TPR: variants seen among roughly 807,000 people sequenced by gnomAD.
TPR encodes the protein nucleoprotein TPR.
A neutral mutation model predicts 316.1 loss-of-function variants in TPR; 51 were observed. That is an observed-to-expected ratio of 0.16 (90% CI 0.13 to 0.20). The LOEUF (loss-of-function observed/expected upper bound fraction) is 0.20. TPR is among the 10% of genes least tolerant of loss of function. The pLI is 1.00. For missense variants in TPR, 2,272 were observed against 2,754.8 expected (o/e 0.82, Z 3.92); for synonymous variants, 981 against 914.7 (o/e 1.07, Z -1.31).
rs756291400 is a variant in TPR at position 186,323,904 on chromosome 1, T to G, written c.6113-34A>C. ...AAAGAGAAATTTACTTTTGAACTGCTAAATTTACCACAAAAAAACTTGGAC... is the reference window on the plus strand; with the variant it reads ...AAAGAGAAATTTACTTTTGAACTGCGAAATTTACCACAAAAAAACTTGGAC... On this transcript the variant is annotated intron_variant, in intron 42 of 50. Coordinates refer to ENST00000367478, the MANE Select transcript of TPR (RefSeq NM_003292.3). 5 of 1,514,872 alleles carry G rather than the reference T, an allele frequency of 3.3e-6. No individual in the cohort carries two copies. The South Asian group carries it at 5.5e-5, about 17-fold the overall frequency. The allele number at this position is 1,514,872 out of a possible 1,614,324, so 93.8% of individuals were successfully genotyped here. A position where few individuals can be genotyped will look rare whatever the true frequency, so the allele number is the denominator to read the frequency against.
rs371818563 is a variant in TPR at position 186,326,098 on chromosome 1, A to G, written c.6021+6T>C. Reference sequence around the variant, plus strand: ...ACTATGAATGGTTAAAATTCTAGCCAGTTACCTCAGCATCATCAGCTTCAT... The same window carrying G: ...ACTATGAATGGTTAAAATTCTAGCCGGTTACCTCAGCATCATCAGCTTCAT... On this transcript the variant is annotated splice_donor_region_variant and intron_variant, in intron 41 of 50. Coordinates refer to ENST00000367478, the MANE Select transcript of TPR (RefSeq NM_003292.3). The G allele has an allele frequency of 1.2e-6, 2 of 1,613,610 alleles. No homozygotes were observed. Among genetic ancestry groups the G allele is most frequent in the South Asian group, 1.1e-5 (1 of 91,070 alleles).
At chr1:186,326,045 A>T (rs1180697271) in intron 41 of TPR, 59 bp downstream of exon 41, 2 of 1,605,864 alleles carry the variant, frequency 1.2e-6, no homozygotes, top group African/African-American at 1.3e-5. Context: ...CTTGGAAAAC[A>T]GCAAGTGAAA....
rs1657453736 is a variant in TPR, at chr1:186,313,718, A to C, written c.*253T>G. On this transcript the variant is annotated 3_prime_UTR_variant, in exon 51 of 51. Coordinates refer to ENST00000367478, the MANE Select transcript of TPR (RefSeq NM_003292.3). ...ACATTGATGTGCCTAGTAGAACAGC[A>C]AGAGCAATTACTACTCGTTCTGGGC... 6.2e-7 allele frequency: 1 copy of C among 1,609,550 alleles called. No homozygotes were observed. Among genetic ancestry groups the C allele is most frequent in the Non-Finnish European group, 8.5e-7 (1 of 1,176,064 alleles).
At chr1:186,341,205 A>G in intron 28 of TPR, 46 bp from the exon 29 acceptor site, 2 of 1,612,788 alleles carry the variant, frequency 1.2e-6, no homozygotes, top group Non-Finnish European at 1.7e-6. Context: ...AAATTCATTT[A>G]TTATTAAAAA....
At chr1:186,324,074 G>C (rs1295370045) in intron 42 of TPR, among the ~76,000 whole-genome samples, 1 of 151,992 alleles carries the variant, frequency 6.6e-6, no homozygotes, top group African/African-American at 2.4e-5. Flanking sequence ...TGTGGCTTTG[G>C]GCAAGTCCCT....
At position 186,360,040 on chromosome 1, in the gene TPR, G is replaced by A. The variant is rs566532302; in HGVS notation, c.1192-44C>T. 2.6e-5 allele frequency: 40 copies of A among 1,560,102 alleles called. 1 individual carries two copies. The highest frequency in any genetic ancestry group is 3.1e-5 in the Non-Finnish European group (35 of 1,147,406). On this transcript the variant is annotated intron_variant, in intron 11 of 50. Transcript: ENST00000367478. Reference sequence around the variant, plus strand: ...TTGTTTCAAATCTAACCATAACAACGCAAATATTTAGTTGATCTAGTTTCA... The same window carrying A: ...TTGTTTCAAATCTAACCATAACAACACAAATATTTAGTTGATCTAGTTTCA...
Position 186,312,813 on chromosome 1 carries a change from C to T in TPR, c.*1158G>A, listed in dbSNP as rs1433471962. The T allele has an allele frequency of 6.2e-7, 1 of 1,612,032 alleles. No homozygotes were observed. Among genetic ancestry groups the T allele is most frequent in the East Asian group, 2.2e-5 (1 of 44,838 alleles). On this transcript the variant is annotated 3_prime_UTR_variant, in exon 51 of 51. Transcript: ENST00000367478. ...TAAAGTGAGTATACTGTGGAGAGGA[C>T]TTCCAAATGTGGTTACCTCAGCTAT...
intron 39 of TPR, among the ~76,000 whole-genome samples, chr1:186,329,788 G>T (rs905279695): frequency 6.6e-6 from 1 of 152,072 alleles, no homozygotes; most frequent in Non-Finnish European, 1.5e-5. Flanking sequence ...ATTTACTTGC[G>T]ATATGGCTAT....
At chr1:186,322,442 A>C in intron 44 of TPR, 30 bp from the exon 45 acceptor site, 2 of 1,611,764 alleles carry the variant, frequency 1.2e-6, no homozygotes, top group Non-Finnish European at 1.7e-6. Flanking sequence ...GTTAACAAAC[A>C]AAACACCACA....
At chr1:186,358,513 A>G (rs773979155) in intron 13 of TPR, 30 bp downstream of exon 13, 1 of 1,577,680 alleles carries the variant, frequency 6.3e-7, no homozygotes, top group Admixed American at 1.8e-5. Flanking sequence ...AGGTTTTTAA[A>G]AGTAGGAAAA....
At position 186,360,863 on chromosome 1, in the gene TPR, G is replaced by C. The variant is rs777546684; in HGVS notation, c.1001C>G (p.Ser334Cys). The change falls in exon 10 of 51, where the codon TCC (serine) becomes TGC (cysteine). Residue 334 changes from serine (S) to cysteine (C), a missense_variant. Around this residue, in one of 10 missense-constraint regions of TPR, gnomAD observed 549 missense variants for 598.6 expected, o/e 0.92. Transcript: ENST00000367478. ...IQDHLLEVEQ[S>C]KDQMEKEMLE... ...CATTTCTTTTTCCATTTGATCTTTG[G>C]ATTGCTCCACCTCTAGAAGATGATC... 9.3e-6 allele frequency: 15 copies of C among 1,612,488 alleles called. No individual in the cohort carries two copies. The highest frequency in any genetic ancestry group is 1.6e-4 in the Middle Eastern group (1 of 6,072).
rs373627839 is a variant in TPR, at chr1:186,351,365, C to T, written c.2575G>A (p.Val859Met). ...CTAGTAAGTGTATGCCTTTGTTCCA[C>T]CTCATTTTCCAACTTCTTCTTTAGA... ...SHLKKKLENE[V>M]EQRHTLTRNL... The change falls in exon 20 of 51, where the codon GTG (valine) becomes ATG (methionine). Residue 859 changes from valine to methionine, a missense_variant. Physicochemically the swap from Val to Met is conservative, Grantham distance 21. Coordinates refer to ENST00000367478, the MANE Select transcript of TPR (RefSeq NM_003292.3). 3.7e-6 allele frequency: 6 copies of T among 1,612,346 alleles called. No individual in the cohort carries two copies. Among genetic ancestry groups the T allele is most frequent in the Non-Finnish European group, 5.1e-6 (6 of 1,179,256 alleles).
At chr1:186,335,885 ACT>A (rs1301155644) in intron 33 of TPR, among the ~76,000 whole-genome samples, 1 of 152,128 alleles carries the variant, frequency 6.6e-6, no homozygotes, top group East Asian at 1.9e-4. Flanking sequence ...AATCTACAGC[ACT>A]GTTTAAAAAT....
chr1:186,332,379 T>C (rs752506353), intron 37 of TPR, 36 bp from the exon 38 acceptor site: 83 of 1,603,966 alleles, frequency 5.2e-5, no homozygotes, highest in Non-Finnish European at 6.9e-5. Flanking sequence ...TAGAGCATGA[T>C]AATAACTCAA....
chr1:186,335,362 A>C lies in TPR; in HGVS notation c.4887T>G (p.Asp1629Glu). ...EHQERHLEQR[D>E]EPQEPSNKVP... Reference sequence around the variant, plus strand: ...CCTTATTAGAAGGTTCTTGAGGCTCATCTCTCTGCTCAAGGTGTCTCTCTT... The same window carrying C: ...CCTTATTAGAAGGTTCTTGAGGCTCCTCTCTCTGCTCAAGGTGTCTCTCTT... Residue 1629 changes from aspartate to glutamate, a missense_variant, in exon 34 of 51, where the codon GAT becomes GAG. Asp to Glu is a conservative substitution (Grantham distance 45). Coordinates refer to ENST00000367478, the MANE Select transcript of TPR (RefSeq NM_003292.3). The C allele has an allele frequency of 6.2e-7, 1 of 1,613,656 alleles. No homozygotes were observed. Among genetic ancestry groups the C allele is most frequent in the Non-Finnish European group, 8.5e-7 (1 of 1,179,722 alleles).
chr1:186,365,566 C>T (rs1659319950), intron 4 of TPR, among the ~76,000 whole-genome samples: 1 of 152,086 alleles, frequency 6.6e-6, no homozygotes, highest in South Asian at 2.1e-4. Context: ...AGAGATGATA[C>T]TTTGTGAAAA....
Position 186,338,390 on chromosome 1 carries a change from C to A in TPR, c.4152-147G>T, listed in dbSNP as rs1057414143. 1.4e-5 allele frequency: 9 copies of A among 639,492 alleles called. No homozygotes were observed. The East Asian group carries it at 2.3e-4, about 16-fold the overall frequency. The allele number at this position is 639,492 out of a possible 1,614,324, so 39.6% of individuals were successfully genotyped here. A position where few individuals can be genotyped will look rare whatever the true frequency, so the allele number is the denominator to read the frequency against. On this transcript the variant is annotated intron_variant, in intron 30 of 50. Coordinates refer to ENST00000367478, the MANE Select transcript of TPR (RefSeq NM_003292.3). The stretch of plus-strand genomic sequence containing the variant: ...TACCCATATACTTCAAAGGTAAGAC[C>A]TTACGAATTTACAGCCCTTCGGCAA...
At position 186,327,598 on chromosome 1, in the gene TPR, T is replaced by C. The variant is rs1328565494; in HGVS notation, c.5751A>G (p.Gln1917=). The C allele has an allele frequency of 1.2e-6, 2 of 1,613,188 alleles. No homozygotes were observed. The highest frequency in any genetic ancestry group is 2.2e-5 in the South Asian group (2 of 91,066). Residue 1917 remains glutamine, a synonymous_variant, in exon 40 of 51, where the codon CAA becomes CAG. Transcript: ENST00000367478. Reference sequence around the variant, plus strand: ...CTGATTGAAGTGGCCCAAGATCTATTTGTAGAGACTGAGAGGTTTCTTCAC... The same window carrying C: ...CTGATTGAAGTGGCCCAAGATCTATCTGTAGAGACTGAGAGGTTTCTTCAC... ...EDSEETSQSL[Q]IDLGPLQSDQ...
At chr1:186,352,401 G>C (rs751991854) in intron 18 of TPR, among the ~76,000 whole-genome samples, 45 of 152,102 alleles carry the variant, frequency 3.0e-4, no homozygotes, top group South Asian at 2.1e-4. Flanking sequence ...TATGTGAGAA[G>C]AAGAAAGCAG....
Sources: gnomAD v4.1 joint callset for allele counts (sites outside exome capture counted in the v4.1 genomes callset) on GRCh38, gnomAD v4.1.1 for gene constraint, gnomAD v4.1.1 regional missense constraint, MANE v1.5 for transcripts, NCBI Gene and HGNC (gene_info 2026-07-23, HGNC 2026-07-21) for gene names.